BBS12: variants seen among roughly 807,000 people sequenced by gnomAD.
BBS12 encodes the protein chaperonin-containing T-complex member BBS12.
A neutral mutation model predicts 5.6 loss-of-function variants in BBS12; 5 were observed. The ratio of observed to expected loss-of-function variants is 0.89; its 90% CI spans 0.46 to 1.86. The LOEUF (loss-of-function observed/expected upper bound fraction) is 1.86. Among genes scored for constraint, BBS12 ranks in the 40% most tolerant of loss-of-function variants. The pLI is 0.01. For synonymous variants in BBS12, 308 were observed against 306.8 expected (o/e 1.00, Z -0.04); for missense variants, 748 against 830.4 (o/e 0.90, Z 1.22).
the BBS12 span, among the ~76,000 whole-genome samples, chr4:122,703,904 T>A: frequency 6.6e-6 from 1 of 152,150 alleles, no homozygotes; most frequent in Non-Finnish European, 1.5e-5. Flanking sequence ...GGTTGGAGAG[T>A]GGGGTGCAAT....
chr4:122,701,957 TG>T, the BBS12 span, among the ~76,000 whole-genome samples: 20 of 152,302 alleles, frequency 1.3e-4, no homozygotes, highest in African/African-American at 4.6e-4. Context: ...CTCTGCTTCC[TG>T]TCCGCTGAAA....
rs79598897 is a variant in BBS12, at chr4:122,741,177, G to GT, written c.-10-697dup. Among the ~76,000 whole-genome samples the GT allele has an allele frequency of 4.7e-3, 714 of 151,498 alleles. 12 individuals are homozygous for GT. Among genetic ancestry groups the GT allele is most frequent in the South Asian group, 0.018 (86 of 4,804 alleles). ...CATCTGCTACTGTTCTCCACTACAT[G>GT]TTTTTTTTTGTTGTTGTTGTTTTTT... On this transcript the variant is annotated intron_variant, in intron 1 of 1. Transcript: ENST00000314218.
At chr4:122,726,510 T>C in the BBS12 span, among the ~76,000 whole-genome samples, 1 of 152,202 alleles carries the variant, frequency 6.6e-6, no homozygotes, top group East Asian at 1.9e-4. Flanking sequence ...TGGAAAAAAC[T>C]GTGGAGATTC....
the BBS12 span, among the ~76,000 whole-genome samples, chr4:122,718,348 ATCAG>A: frequency 3.3e-5 from 5 of 152,304 alleles, no homozygotes; most frequent in Non-Finnish European, 7.3e-5. Context: ...ATCTACTGTC[ATCAG>A]TCAGATTTAT....
In BBS12 at chr4:122,742,299, A is replaced by G; in HGVS notation, c.407A>G (p.Asn136Ser). 1.7e-5 allele frequency: 28 copies of G among 1,613,992 alleles called. No homozygotes were observed. The highest frequency in any genetic ancestry group is 2.3e-5 in the Non-Finnish European group (27 of 1,179,966). The part of the protein sequence containing the change: ...EVVSLHVPVH[N>S]IFDCMDSTKT... ...GTTTCTCTTCATGTACCTGTTCACA[A>G]TATATTTGACTGTATGGACAGCACA... The change falls in exon 2 of 2, where the codon AAT becomes AGT. Residue 136 changes from asparagine (N) to serine (S), a missense_variant. Coordinates refer to ENST00000314218, the MANE Select transcript of BBS12 (RefSeq NM_152618.3).
intron 1 of BBS12, among the ~76,000 whole-genome samples, chr4:122,738,159 TAGGTAAATTAG>T (rs1800813422): frequency 6.6e-6 from 1 of 152,172 alleles, no homozygotes; most frequent in Admixed American, 6.5e-5. Context: ...AACAAAAAAA[TAGGTAAATTAG>T]ATTTCATCAA....
intron 1 of BBS12, among the ~76,000 whole-genome samples, chr4:122,738,142 A>G (rs1422154678): frequency 6.6e-6 from 1 of 152,240 alleles, no homozygotes; most frequent in African/African-American, 2.4e-5. Flanking sequence ...CACAAATAAT[A>G]TGAGCAAACA....
At chr4:122,737,539 C>T (rs1800800814) in intron 1 of BBS12, among the ~76,000 whole-genome samples, 1 of 152,190 alleles carries the variant, frequency 6.6e-6, no homozygotes, top group Admixed American at 6.5e-5. Flanking sequence ...ATGCCTCATA[C>T]TTAGTAAGCT....
In BBS12 at chr4:122,744,071, T is replaced by C; in HGVS notation, c.*46T>C. On this transcript the variant is annotated 3_prime_UTR_variant, in exon 2 of 2. Coordinates refer to ENST00000314218, the MANE Select transcript of BBS12 (RefSeq NM_152618.3). ...GAAAATAATTTTTCATAATATGTCATGCTAATAATAAATATATTGATAGCC... is the reference window on the plus strand; with the variant it reads ...GAAAATAATTTTTCATAATATGTCACGCTAATAATAAATATATTGATAGCC... 2 of 1,562,914 alleles carry C rather than the reference T, an allele frequency of 1.3e-6. No individual in the cohort carries two copies. The highest frequency in any genetic ancestry group is 1.8e-6 in the Non-Finnish European group (2 of 1,135,224).
intron 1 of BBS12, 77 bp from the exon 2 acceptor site, chr4:122,741,806 C>G (rs539102102): frequency 7.9e-7 from 1 of 1,268,458 alleles, no homozygotes. Context: ...GGGAGCATAT[C>G]TTGTTTTTAT....
intron 1 of BBS12, among the ~76,000 whole-genome samples, chr4:122,741,070 C>A (rs1800863622): frequency 6.6e-6 from 1 of 152,154 alleles, no homozygotes; most frequent in African/African-American, 2.4e-5. Flanking sequence ...TTTAACGGTT[C>A]CCATTACAGG....
At chr4:122,726,455 C>A in the BBS12 span, among the ~76,000 whole-genome samples, 559 of 152,190 alleles carry the variant, frequency 3.7e-3, 2 homozygotes, top group African/African-American at 0.013. Flanking sequence ...TGAAGAGGGA[C>A]CACTTCTACA....
Position 122,743,704 on chromosome 4 carries a change from TAA to T in BBS12, c.1813_1814del (p.Asn605HisfsTer9), listed in dbSNP as rs764074545. The T allele has an allele frequency of 5.0e-6, 8 of 1,614,230 alleles. No individual in the cohort carries two copies. Among genetic ancestry groups the T allele is most frequent in the Non-Finnish European group, 6.8e-6 (8 of 1,180,046 alleles). ...AGAAATACCTTTCAACTCTCCTATA[TAA>T]CACTGCCAATTACTCATCAGAATTT... Reference protein sequence around the residue: ...WQKYLSTLLYNTANYSSEFEA... With the variant: ...WQKYLSTLLYXTANYSSEFEA... On this transcript the variant is annotated frameshift_variant, in exon 2 of 2. Coordinates refer to ENST00000314218, the MANE Select transcript of BBS12 (RefSeq NM_152618.3). LOFTEE classifies it low-confidence loss of function (END_TRUNC).
chr4:122,740,528 C>T (rs1240236052), intron 1 of BBS12, among the ~76,000 whole-genome samples: 2 of 152,218 alleles, frequency 1.3e-5, no homozygotes, highest in Non-Finnish European at 2.9e-5. Context: ...TCATATCTCT[C>T]TGCACAATTA....
intron 1 of BBS12, among the ~76,000 whole-genome samples, chr4:122,740,722 G>A (rs1419073408): frequency 1.3e-5 from 2 of 152,210 alleles, no homozygotes; most frequent in African/African-American, 4.8e-5. Flanking sequence ...ATATACTCCA[G>A]TCTGGTACTT....
chr4:122,713,682 T>A, the BBS12 span, among the ~76,000 whole-genome samples: 1 of 152,196 alleles, frequency 6.6e-6, no homozygotes, highest in East Asian at 1.9e-4. Flanking sequence ...GTGTTTTTCA[T>A]GCTGGGATTA....
chr4:122,734,430 T>C (rs1800756110), intron 1 of BBS12, among the ~76,000 whole-genome samples: 2 of 152,158 alleles, frequency 1.3e-5, no homozygotes, highest in African/African-American at 4.8e-5. Flanking sequence ...CGCGCCCGGC[T>C]AATTTTTTTG....
At chr4:122,727,268 G>A in the BBS12 span, among the ~76,000 whole-genome samples, 5 of 151,972 alleles carry the variant, frequency 3.3e-5, no homozygotes, top group East Asian at 1.9e-4. Flanking sequence ...TTTTGGAGAC[G>A]GAGTCTCGCT....
At chr4:122,733,580 T>C (rs1215693311) in intron 1 of BBS12, among the ~76,000 whole-genome samples, 1 of 152,170 alleles carries the variant, frequency 6.6e-6, no homozygotes, top group Non-Finnish European at 1.5e-5. Context: ...GTAAACCAAC[T>C]CAATCTCTTG....
Sources: gnomAD v4.1 joint callset for allele counts (sites outside exome capture counted in the v4.1 genomes callset) on GRCh38, gnomAD v4.1.1 for gene constraint, MANE v1.5 for transcripts, NCBI Gene and HGNC (gene_info 2026-07-23, HGNC 2026-07-21) for gene names.